BNC2: variants seen among roughly 807,000 people sequenced by gnomAD.
BNC2 encodes the protein zinc finger protein basonuclin-2.
A neutral mutation model predicts 76.3 loss-of-function variants in BNC2; 20 were observed. That is an observed-to-expected ratio of 0.26 (90% CI 0.18 to 0.38). The LOEUF is 0.38. Among genes scored for constraint, BNC2 ranks in the 10% least tolerant of loss-of-function variants. BNC2 has a pLI of 1.00. For missense variants in BNC2, 1,382 were observed against 1,399.8 expected (o/e 0.99, Z 0.20); for synonymous variants, 582 against 514.8 (o/e 1.13, Z -1.77).
chr9:16,471,414 C>A (rs1213749056), intron 5 of BNC2, among the ~76,000 whole-genome samples: 2 of 152,032 alleles, frequency 1.3e-5, no homozygotes, highest in Admixed American at 6.6e-5. Flanking sequence ...CTGACTCAGC[C>A]TCCCAAGTAG....
chr9:16,683,178 T>C lies in BNC2; in HGVS notation c.330+44619A>G, dbSNP rs145296395. ...TCATTCAAAACCAAAGATACATTCA[T>C]TGACCACAGTAGGGGATCTTGGGAT... On this transcript the variant is annotated intron_variant, in intron 3 of 6. Transcript: ENST00000380672. 1.8e-3 allele frequency among the ~76,000 whole-genome samples: 270 copies of C among 152,274 alleles called. 2 individuals are homozygous for C. The highest frequency in any genetic ancestry group is 0.017 in the Middle Eastern group (5 of 294).
At chr9:16,772,281 G>C (rs1445884946) in intron 1 of BNC2, among the ~76,000 whole-genome samples, 2 of 152,132 alleles carry the variant, frequency 1.3e-5, no homozygotes, top group Non-Finnish European at 2.9e-5. Context: ...GCCAGTATCA[G>C]AGTTGATACC....
intron 1 of BNC2, among the ~76,000 whole-genome samples, chr9:16,846,638 G>T (rs12685078): frequency 0.12 from 17,717 of 152,208 alleles, 1,364 homozygotes; most frequent in South Asian, 0.29. Flanking sequence ...ACAAGCTGGT[G>T]CATATGAGAA....
intron 3 of BNC2, among the ~76,000 whole-genome samples, chr9:16,603,894 AAC>A (rs869229601): frequency 2.8e-3 from 139 of 49,108 alleles, no homozygotes; most frequent in Non-Finnish European, 1.1e-3. Flanking sequence ...TTTATAAAAA[AAC>A]ATTCTGTCAC....
chr9:16,593,072 T>TA (rs1280862618), intron 3 of BNC2, among the ~76,000 whole-genome samples: 5 of 151,784 alleles, frequency 3.3e-5, no homozygotes, highest in South Asian at 2.1e-4. Flanking sequence ...ATCAAAGTAT[T>TA]AAAAAAATTC....
intron 1 of BNC2, among the ~76,000 whole-genome samples, chr9:16,869,031 T>G (rs1819611508): frequency 6.6e-6 from 1 of 152,186 alleles, no homozygotes; most frequent in Non-Finnish European, 1.5e-5. Context: ...AATACATGTG[T>G]AGACAAATAG....
intron 1 of BNC2, among the ~76,000 whole-genome samples, chr9:16,813,809 T>G (rs1325137652): frequency 6.6e-6 from 1 of 152,166 alleles, no homozygotes; most frequent in Non-Finnish European, 1.5e-5. Context: ...TGGTTTTTTG[T>G]TTTTTTGTTT....
At position 16,429,620 on chromosome 9, in the gene BNC2, C is replaced by T. The variant is rs1373571539; in HGVS notation, c.2639+5935G>A. On this transcript the variant is annotated intron_variant, in intron 6 of 6. Transcript: ENST00000380672. ...TGCTGGCAAGAACAGTAGATTGTTC[C>T]TTTATAAGGAAGGTAAAAATAAGAG... The T allele has an allele frequency of 3.5e-5, 7 of 202,518 alleles. 1 individual carries two copies. In the South Asian group the frequency reaches 6.2e-4, roughly 18 times the overall value. 12.5% of individuals were successfully genotyped at this position (202,518 alleles called of 1,614,324 possible).
At chr9:16,565,024 C>G (rs1237706000) in intron 4 of BNC2, among the ~76,000 whole-genome samples, 1 of 152,126 alleles carries the variant, frequency 6.6e-6, no homozygotes, top group Non-Finnish European at 1.5e-5. Context: ...GGATCAATTT[C>G]TTCTTTCTAG....
chr9:16,840,007 A>T (rs62541874), intron 1 of BNC2, among the ~76,000 whole-genome samples: 8,249 of 152,308 alleles, frequency 0.054, 287 homozygotes, highest in Middle Eastern at 0.13. Context: ...CAATCTATCA[A>T]TATTGATAAG....
intron 5 of BNC2, among the ~76,000 whole-genome samples, chr9:16,458,061 G>T (rs1055525993): frequency 2.6e-5 from 4 of 152,088 alleles, no homozygotes; most frequent in African/African-American, 9.7e-5. Context: ...ACAGAGAGGT[G>T]TGATTTATTA....
intron 1 of BNC2, among the ~76,000 whole-genome samples, chr9:16,826,208 C>T (rs191398679): frequency 7.3e-6 from 1 of 137,010 alleles, no homozygotes; most frequent in African/African-American, 2.6e-5. Context: ...CCCCCTTTCT[C>T]CTTACTTCAC....
At chr9:16,673,589 TCATCA>T (rs1822550599) in intron 3 of BNC2, among the ~76,000 whole-genome samples, 1 of 152,102 alleles carries the variant, frequency 6.6e-6, no homozygotes, top group South Asian at 2.1e-4. Context: ...AAGTATACCA[TCATCA>T]CATCACATTA....
intron 3 of BNC2, among the ~76,000 whole-genome samples, chr9:16,665,670 A>G (rs1363524194): frequency 6.6e-6 from 1 of 152,184 alleles, no homozygotes; most frequent in Non-Finnish European, 1.5e-5. Context: ...AGATATGAAA[A>G]TGCATAATGC....
chr9:16,798,155 T>A (rs1351228067), intron 1 of BNC2, among the ~76,000 whole-genome samples: 1 of 152,128 alleles, frequency 6.6e-6, no homozygotes, highest in African/African-American at 2.4e-5. Context: ...GCCAAGTAAT[T>A]AGGAAGAGAA....
intron 1 of BNC2, among the ~76,000 whole-genome samples, chr9:16,827,646 T>A (rs940165700): frequency 3.3e-5 from 5 of 151,730 alleles, no homozygotes; most frequent in African/African-American, 1.2e-4. Context: ...TGCAAAGGAG[T>A]GGAATTTGTG....
chr9:16,813,135 T>A (rs1056248429), intron 1 of BNC2, among the ~76,000 whole-genome samples: 3 of 151,786 alleles, frequency 2.0e-5, no homozygotes, highest in African/African-American at 7.3e-5. Flanking sequence ...TAGGCCGAGG[T>A]TGCAGTGAGC....
intron 3 of BNC2, among the ~76,000 whole-genome samples, chr9:16,647,148 G>C (rs1353052000): frequency 6.6e-6 from 1 of 152,168 alleles, no homozygotes; most frequent in Non-Finnish European, 1.5e-5. Flanking sequence ...ACATATGGTT[G>C]TGTTTTCCTG....
intron 1 of BNC2, among the ~76,000 whole-genome samples, chr9:16,847,129 T>C (rs557332184): frequency 2.0e-5 from 3 of 152,252 alleles, no homozygotes; most frequent in African/African-American, 7.2e-5. Flanking sequence ...TATGCTGCGG[T>C]AGGTCTACTT....
Sources: allele counts gnomAD v4.1 joint callset (sites outside exome capture counted in the v4.1 genomes callset), GRCh38; gene constraint gnomAD v4.1.1; transcripts MANE v1.5; gene names NCBI Gene and HGNC (gene_info 2026-07-23, HGNC 2026-07-21).